Variants in SIK2 observed in about 807,000 individuals in gnomAD.
SIK2 encodes the protein salt inducible kinase 2, also known as serine/threonine-protein kinase SIK2.
Under a neutral mutation model 103.2 loss-of-function variants are expected in SIK2, and 29 were observed. That is an observed-to-expected ratio of 0.28 (90% CI 0.21 to 0.38). The LOEUF (loss-of-function observed/expected upper bound fraction) is 0.38. Among genes scored for constraint, SIK2 ranks in the 10% least tolerant of loss-of-function variants. The pLI, the probability that SIK2 is intolerant of heterozygous loss-of-function variation, is 1.00. For missense variants in SIK2, 879 were observed against 1,171.0 expected, an observed-to-expected ratio of 0.75 and a Z score of 3.64; for synonymous variants, 412 against 446.1, an observed-to-expected ratio of 0.92 and a Z score of 0.96.
intron 3 of SIK2, chr11:111,683,568 C>T (rs965421448): frequency 6.6e-6 from 1 of 152,424 alleles, no homozygotes; most frequent in African/African-American, 2.4e-5. Context: ...TCTCCTGCCT[C>T]AGCCTCCTGA....
intron 3 of SIK2, among the ~76,000 whole-genome samples, chr11:111,627,936 T>A (rs1010598781): frequency 6.6e-6 from 1 of 152,220 alleles, no homozygotes; most frequent in Non-Finnish European, 1.5e-5. Context: ...GAATCCTTCA[T>A]GTTTTACCAT....
rs1239923846 is a variant in SIK2, at chr11:111,705,557, T to C, written c.1101+418T>C. ...GATCATAAACAACCATCATTCAAAATAGGGAAAGATGAGAGCTGTAGCAGA... is the reference window on the plus strand; with the variant it reads ...GATCATAAACAACCATCATTCAAAACAGGGAAAGATGAGAGCTGTAGCAGA... On this transcript the variant is annotated intron_variant, in intron 8 of 14. Transcript: ENST00000304987. The surrounding 1 kb of genome is among the most constrained non-coding windows in gnomAD (Gnocchi z 4.3). Among the ~76,000 whole-genome samples the C allele has an allele frequency of 6.6e-6, 1 of 151,976 alleles. No homozygotes were observed. The highest frequency in any genetic ancestry group is 1.5e-5 in the Non-Finnish European group (1 of 67,974).
At position 111,688,142 on chromosome 11, in the gene SIK2, A is replaced by G; in HGVS notation, c.458A>G (p.Asn153Ser). The change falls in exon 4 of 15, where the codon AAC (asparagine) becomes AGC (serine). Residue 153 changes from asparagine to serine, a missense_variant. Physicochemically the swap from Asn to Ser is conservative, Grantham distance 46. Around this residue, in one of 7 missense-constraint regions of SIK2, gnomAD observed 126 missense variants for 245.5 expected, o/e 0.51. Coordinates refer to ENST00000304987, the MANE Select transcript of SIK2 (RefSeq NM_015191.3). This position sits in a 1 kb window ranked among gnomAD's most constrained non-coding sequence, Gnocchi z 4.2. The part of the protein sequence containing the change: ...LKAENLLLDN[N>S]MNIKIADFGF... Reference sequence around the variant, plus strand: ...GCTGAAAATCTCCTGCTGGATAACAACATGAATATCAAAATAGCAGGTAAC... The same window carrying G: ...GCTGAAAATCTCCTGCTGGATAACAGCATGAATATCAAAATAGCAGGTAAC... 4 of 1,614,146 alleles carry G rather than the reference A, an allele frequency of 2.5e-6. No homozygotes were observed. Among genetic ancestry groups the G allele is most frequent in the East Asian group, 2.2e-5 (1 of 44,872 alleles).
chr11:111,610,781 T>G (rs1210711763), intron 1 of SIK2, among the ~76,000 whole-genome samples: 1 of 152,204 alleles, frequency 6.6e-6, no homozygotes, highest in Non-Finnish European at 1.5e-5. Context: ...AATTAGTATA[T>G]GATAAATAAC....
chr11:111,658,986 A>C (rs1452086614), intron 3 of SIK2, among the ~76,000 whole-genome samples: 1 of 152,216 alleles, frequency 6.6e-6, no homozygotes, highest in African/African-American at 2.4e-5. Context: ...GTGTCAGAGA[A>C]GGATTTGAAA....
At chr11:111,709,636 A>G (rs1943443915) in intron 8 of SIK2, among the ~76,000 whole-genome samples, 1 of 152,292 alleles carries the variant, frequency 6.6e-6, no homozygotes, top group South Asian at 2.1e-4. Context: ...TATTTATTTA[A>G]TATTTGCTAA....
intron 3 of SIK2, among the ~76,000 whole-genome samples, chr11:111,655,261 G>C (rs1026247499): frequency 3.9e-5 from 6 of 152,112 alleles, no homozygotes; most frequent in African/African-American, 1.2e-4. Context: ...AATTAGCCGG[G>C]CATGGTGCTG....
At chr11:111,617,867 C>CAT (rs1392956738) in intron 2 of SIK2, among the ~76,000 whole-genome samples, 14 of 151,710 alleles carry the variant, frequency 9.2e-5, no homozygotes, top group Non-Finnish European at 2.9e-5. Context: ...TATATACACA[C>CAT]ACACACACAC....
chr11:111,712,930 C>T (rs771615686), intron 9 of SIK2, among the ~76,000 whole-genome samples: 6 of 152,194 alleles, frequency 3.9e-5, no homozygotes, highest in East Asian at 3.9e-4. Context: ...TTTGGGAGGC[C>T]GAGGCGGGCA....
At chr11:111,620,463 G>A in intron 3 of SIK2, 61 bp downstream of exon 3, 1 of 1,034,700 alleles carries the variant, frequency 9.7e-7, no homozygotes, top group Non-Finnish European at 1.4e-6. Flanking sequence ...GCATGAATGG[G>A]GTATTTTCTG....
intron 3 of SIK2, chr11:111,671,546 T>C (rs193256414): frequency 1.9e-5 from 6 of 322,566 alleles, no homozygotes; most frequent in Middle Eastern, 1.1e-3. Flanking sequence ...ATCTGGTACA[T>C]GCTCTCAGCC....
rs1555024123 is a variant in SIK2 at position 111,612,948 on chromosome 11, T to TATATA, written c.136-3295_136-3294insATATA. 6.9e-3 allele frequency among the ~76,000 whole-genome samples: 656 copies of TATATA among 95,620 alleles called. 23 individuals carry two copies. The highest frequency in any genetic ancestry group is 0.029 in the African/African-American group (613 of 21,020). 62.7% of individuals were successfully genotyped at this position (95,620 alleles called of 152,430 possible). ...TATATATATATATATATATATATAT[T>TATATA]TATGATCATAGGATCATAGATGGAT... On this transcript the variant is annotated intron_variant, in intron 1 of 14. Coordinates refer to ENST00000304987, the MANE Select transcript of SIK2 (RefSeq NM_015191.3).
intron 3 of SIK2, among the ~76,000 whole-genome samples, chr11:111,682,298 A>G (rs892207904): frequency 6.6e-6 from 1 of 152,222 alleles, no homozygotes; most frequent in African/African-American, 2.4e-5. Context: ...AATCCAGAAT[A>G]TAGGATGACC....
rs1325569921 is a variant in SIK2 at position 111,602,811 on chromosome 11, C to T, written c.135+113C>T. On this transcript the variant is annotated intron_variant, in intron 1 of 14. Transcript: ENST00000304987. The surrounding 1 kb of genome is among the most constrained non-coding windows in gnomAD (Gnocchi z 4.5). ...CGGGGAGACCCGAGAGGCCGCCTCA[C>T]TGGCGGAGGCGAGCGGGCCTGGGAC... is the stretch of plus-strand genomic sequence containing the variant. 5 of 1,365,354 alleles carry T rather than the reference C, an allele frequency of 3.7e-6. No homozygotes were observed. Among genetic ancestry groups the T allele is most frequent in the Non-Finnish European group, 4.7e-6 (5 of 1,056,868 alleles). 84.6% of individuals were successfully genotyped at this position (1,365,354 alleles called of 1,614,324 possible).
At chr11:111,660,141 G>A (rs1942448540) in intron 3 of SIK2, among the ~76,000 whole-genome samples, 1 of 152,194 alleles carries the variant, frequency 6.6e-6, no homozygotes, top group African/African-American at 2.4e-5. Flanking sequence ...GTGAGAAAGA[G>A]AAACCACCAA....
intron 3 of SIK2, among the ~76,000 whole-genome samples, chr11:111,675,447 A>C (rs952320438): frequency 5.3e-5 from 8 of 152,182 alleles, no homozygotes; most frequent in Admixed American, 5.2e-4. Context: ...ATCCTCTGTG[A>C]TTTCTAGGTG....
chr11:111,624,481 T>A (rs1453143243), intron 3 of SIK2, among the ~76,000 whole-genome samples: 1 of 152,226 alleles, frequency 6.6e-6, no homozygotes, highest in Non-Finnish European at 1.5e-5. Flanking sequence ...GTTTCTTTCC[T>A]TTTCTTCCCT....
In SIK2 at chr11:111,691,499, C is replaced by T. The variant is rs117757352; in HGVS notation, c.478+3337C>T. Among the ~76,000 whole-genome samples, 560 of 152,282 alleles carry T rather than the reference C, an allele frequency of 3.7e-3. 2 individuals are homozygous for T. The highest frequency in any genetic ancestry group is 6.2e-3 in the Non-Finnish European group (419 of 68,014). On this transcript the variant is annotated intron_variant, in intron 4 of 14. Coordinates refer to ENST00000304987, the MANE Select transcript of SIK2 (RefSeq NM_015191.3). ...TAAGTAGCAGACCTGGAATTCAAAC[C>T]TAGGTCTCTCTGACCACAGTATCTG...
chr11:111,637,594 G>C (rs983521887), intron 3 of SIK2, among the ~76,000 whole-genome samples: 1 of 151,608 alleles, frequency 6.6e-6, no homozygotes, highest in Non-Finnish European at 1.5e-5. Context: ...CCAGTAGCTG[G>C]GTTTACAGGT....
Sources: gnomAD v4.1 joint callset for allele counts (sites outside exome capture counted in the v4.1 genomes callset) on GRCh38, gnomAD v4.1.1 for gene constraint, gnomAD v4.1.1 regional missense constraint, Gnocchi (gnomAD v3.1) non-coding constraint, MANE v1.5 for transcripts, NCBI Gene and HGNC (gene_info 2026-07-23, HGNC 2026-07-21) for gene names.